The following FAM120B variants were observed in gnomAD, a reference collection of about 807,000 sequenced individuals.
FAM120B encodes the protein constitutive coactivator of peroxisome proliferator-activated receptor gamma.
In FAM120B, 83 loss-of-function variants were observed where a neutral mutation model predicts 96.3. The ratio of observed to expected loss-of-function variants is 0.86; its 90% CI spans 0.72 to 1.03. The LOEUF (loss-of-function observed/expected upper bound fraction) is 1.03. FAM120B is among the 50% of genes least tolerant of loss of function. FAM120B has a pLI of 0.00. For missense variants in FAM120B, 1,027 were observed against 1,121.2 expected (o/e 0.92, Z 1.20); for synonymous variants, 407 against 402.7 (o/e 1.01, Z -0.13).
At chr6:170,396,202 A>T (rs1193030729) in intron 9 of FAM120B, among the ~76,000 whole-genome samples, 1 of 152,230 alleles carries the variant, frequency 6.6e-6, no homozygotes, top group African/African-American at 2.4e-5. Context: ...TTGATTTATG[A>T]TATCTGTGAC....
chr6:170,330,130 A>G (rs1785913364), intron 3 of FAM120B, among the ~76,000 whole-genome samples: 1 of 152,190 alleles, frequency 6.6e-6, no homozygotes, highest in Admixed American at 6.5e-5. Flanking sequence ...TTTCTGGAAC[A>G]GTGTGAGGGA....
upstream of FAM120B, chr6:170,306,710 G>A (rs372309087): frequency 3.3e-5 from 5 of 152,390 alleles, no homozygotes; most frequent in African/African-American, 1.2e-4. Flanking sequence ...CCGCCTCTGC[G>A]AACCCGGCCA....
Position 170,370,409 on chromosome 6 carries a change from G to A in FAM120B, c.2283+12091G>A, listed in dbSNP as rs1020311021. On this transcript the variant is annotated intron_variant, in intron 6 of 10. Coordinates refer to ENST00000476287, the MANE Select transcript of FAM120B (RefSeq NM_032448.3). This position sits in a 1 kb window ranked among gnomAD's most constrained non-coding sequence, Gnocchi z 4.3. ...CATCACCCTTCCTCTGGGGGGTGAG[G>A]CAGAGGACCCTGTTTCTGTAGGGCT... 1.3e-5 allele frequency among the ~76,000 whole-genome samples: 2 copies of A among 152,222 alleles called. No individual in the cohort carries two copies. Among genetic ancestry groups the A allele is most frequent in the African/African-American group, 2.4e-5 (1 of 41,452 alleles).
At chr6:170,338,994 T>G (rs1786633962) in intron 4 of FAM120B, among the ~76,000 whole-genome samples, 1 of 152,200 alleles carries the variant, frequency 6.6e-6, no homozygotes, top group Non-Finnish European at 1.5e-5. Flanking sequence ...CCAGTCTGTG[T>G]CTTTTAATTG....
chr6:170,376,054 C>T (rs927042286), intron 6 of FAM120B, among the ~76,000 whole-genome samples: 8 of 152,246 alleles, frequency 5.3e-5, no homozygotes, highest in African/African-American at 1.9e-4. Context: ...CCTGGGACAG[C>T]AGAACTGGAG....
chr6:170,354,102 C>T (rs564815098), intron 5 of FAM120B, among the ~76,000 whole-genome samples: 2 of 152,232 alleles, frequency 1.3e-5, no homozygotes, highest in Admixed American at 1.3e-4. Flanking sequence ...GAATAGAGAA[C>T]TCAGAAATAA....
At chr6:170,392,933 A>G (rs935825901) in intron 8 of FAM120B, among the ~76,000 whole-genome samples, 7 of 151,736 alleles carry the variant, frequency 4.6e-5, no homozygotes, top group African/African-American at 1.7e-4. Context: ...AGAGATTGAG[A>G]CCCCCAAAAC....
chr6:170,390,154 A>G (rs1441580140), intron 7 of FAM120B, among the ~76,000 whole-genome samples: 3 of 152,208 alleles, frequency 2.0e-5, no homozygotes, highest in Non-Finnish European at 4.4e-5. Context: ...TGTCACGATA[A>G]AGCACTCCAA....
intron 6 of FAM120B, among the ~76,000 whole-genome samples, chr6:170,376,098 C>G (rs1293722272): frequency 2.6e-5 from 4 of 152,176 alleles, no homozygotes; most frequent in African/African-American, 9.6e-5. Context: ...AGGTCATGTT[C>G]AGGAAGTGAA....
chr6:170,404,045 G>A (rs554995593), intron 9 of FAM120B: 2 of 153,734 alleles, frequency 1.3e-5, no homozygotes, highest in Non-Finnish European at 2.9e-5. Context: ...GAAGAAAAGT[G>A]TTATTTTTAA....
At chr6:170,398,130 G>C (rs989562482) in intron 9 of FAM120B, among the ~76,000 whole-genome samples, 14 of 152,248 alleles carry the variant, frequency 9.2e-5, no homozygotes, top group African/African-American at 3.4e-4. Flanking sequence ...AAACTGTAAA[G>C]AGTGTGCCAT....
At chr6:170,304,294 C>T (rs571225685), upstream of FAM120B, among the ~76,000 whole-genome samples, 4 of 152,304 alleles carry the variant, frequency 2.6e-5, no homozygotes, top group African/African-American at 9.6e-5. Context: ...AATTTCCATG[C>T]CATTCTGATT....
chr6:170,317,250 C>A, intron 1 of FAM120B, 120 bp from the exon 2 acceptor site: 1 of 752,176 alleles, frequency 1.3e-6, no homozygotes, highest in Non-Finnish European at 2.2e-6. Context: ...TATCATGTTA[C>A]CTTGGAGACA....
At chr6:170,376,763 C>G (rs1225945494) in intron 6 of FAM120B, among the ~76,000 whole-genome samples, 1 of 152,190 alleles carries the variant, frequency 6.6e-6, no homozygotes, top group African/African-American at 2.4e-5. Context: ...CTGGACTAGC[C>G]AGATGGGAAC....
chr6:170,339,668 A>C (rs142097974), intron 4 of FAM120B, among the ~76,000 whole-genome samples: 15,651 of 151,772 alleles, frequency 0.1, 1,028 homozygotes, highest in East Asian at 0.2. Flanking sequence ...AATCCCAGCT[A>C]CTTGGGAGGC....
intron 1 of FAM120B, chr6:170,297,766 G>A (rs1376475957): frequency 6.6e-6 from 1 of 152,228 alleles, no homozygotes; most frequent in Admixed American, 6.5e-5. Flanking sequence ...AGTGCGGAGT[G>A]TGGCTCCCCA....
At chr6:170,359,380 C>T (rs186975909) in intron 6 of FAM120B, among the ~76,000 whole-genome samples, 4 of 145,916 alleles carry the variant, frequency 2.7e-5, no homozygotes, top group African/African-American at 5.0e-5. Context: ...GCAACAAGAG[C>T]GAAACTCTGT....
chr6:170,360,329 T>A (rs949157679), intron 6 of FAM120B, among the ~76,000 whole-genome samples: 2 of 149,578 alleles, frequency 1.3e-5, no homozygotes, highest in African/African-American at 4.8e-5. Context: ...GAAGGTGTAC[T>A]GTTCTTCGTA....
chr6:170,310,166 A>C (rs530652325), intron 1 of FAM120B, among the ~76,000 whole-genome samples: 1 of 152,346 alleles, frequency 6.6e-6, no homozygotes, highest in Non-Finnish European at 1.5e-5. Context: ...AGATGATAAT[A>C]AAAGCCTAAA....
Sources: allele counts gnomAD v4.1 joint callset (sites outside exome capture counted in the v4.1 genomes callset), GRCh38; gene constraint gnomAD v4.1.1; non-coding constraint Gnocchi (gnomAD v3.1); transcripts MANE v1.5; gene names NCBI Gene and HGNC (gene_info 2026-07-23, HGNC 2026-07-21).